ATAD2: variants seen among roughly 807,000 people sequenced by gnomAD.
ATAD2 encodes the protein ATPase family AAA domain containing 2, also known as ATPase family AAA domain-containing protein 2.
A neutral mutation model predicts 168.9 loss-of-function variants in ATAD2; 62 were observed. The ratio of observed to expected loss-of-function variants is 0.37; its 90% CI spans 0.30 to 0.45. The LOEUF (loss-of-function observed/expected upper bound fraction) is 0.45. Ranked by LOEUF, ATAD2 falls within the 20% of genes least tolerant of loss-of-function variation. The pLI is 1.00. For synonymous variants in ATAD2, 613 were observed against 571.6 expected (o/e 1.07, Z -1.03); for missense variants, 1,419 against 1,667.8 (o/e 0.85, Z 2.60).
intron 2 of ATAD2, among the ~76,000 whole-genome samples, chr8:123,376,901 T>C (rs1829331606): frequency 6.6e-6 from 1 of 151,740 alleles, no homozygotes; most frequent in African/African-American, 2.4e-5. Flanking sequence ...TACACCAGTC[T>C]GGCCAACATG....
intron 22 of ATAD2, among the ~76,000 whole-genome samples, chr8:123,334,624 G>GA (rs909974129): frequency 5.3e-5 from 8 of 151,914 alleles, no homozygotes; most frequent in African/African-American, 1.9e-4. Context: ...ACATGATAAC[G>GA]AAAAATAAAA....
chr8:123,383,362 T>C (rs1192818839), intron 1 of ATAD2, among the ~76,000 whole-genome samples: 2 of 151,258 alleles, frequency 1.3e-5, no homozygotes, highest in African/African-American at 2.4e-5. Flanking sequence ...GTAAACAAAA[T>C]TAAATAAAAA....
chr8:123,342,988 A>AT lies in ATAD2; in HGVS notation c.2718+1895dup, dbSNP rs775980242. Among the ~76,000 whole-genome samples the AT allele has an allele frequency of 1.7e-3, 238 of 138,678 alleles. 1 individual carries two copies. Among genetic ancestry groups the AT allele is most frequent in the East Asian group, 3.9e-3 (19 of 4,854 alleles). The allele number at this position is 138,678 out of a possible 152,430, so 91.0% of individuals were successfully genotyped here. A position where few individuals can be genotyped will look rare whatever the true frequency, so the allele number is the denominator to read the frequency against. On this transcript the variant is annotated intron_variant, in intron 19 of 27. Coordinates refer to ENST00000287394, the MANE Select transcript of ATAD2 (RefSeq NM_014109.4). ...TTCCTCAAATATCATCATCATCATCATTTTTTTTTTTTTTGAGATGGAGTT... is the reference window on the plus strand; with the variant it reads ...TTCCTCAAATATCATCATCATCATCATTTTTTTTTTTTTTTGAGATGGAGTT...
At chr8:123,329,257 T>C (rs1397848787) in intron 24 of ATAD2, among the ~76,000 whole-genome samples, 1 of 152,162 alleles carries the variant, frequency 6.6e-6, no homozygotes, top group African/African-American at 2.4e-5. Flanking sequence ...GCATTTATCA[T>C]GTACTAGAAA....
At chr8:123,401,045 T>C, upstream of ATAD2, 2 of 1,572,580 alleles carry the variant, frequency 1.3e-6, no homozygotes, top group Middle Eastern at 2.3e-4. Flanking sequence ...CCGGTGGGCA[T>C]CGTCACTTCC....
At chr8:123,365,026 C>G (rs1041093187) in intron 8 of ATAD2, among the ~76,000 whole-genome samples, 1 of 151,962 alleles carries the variant, frequency 6.6e-6, no homozygotes, top group Non-Finnish European at 1.5e-5. Context: ...CTAGAAAACC[C>G]CAAAGACTAC....
chr8:123,369,944 C>T lies in ATAD2; in HGVS notation c.808G>A (p.Asp270Asn), dbSNP rs117211505. Residue 270 changes from aspartate (D) to asparagine (N), a missense_variant, in exon 7 of 28, where the codon GAT becomes AAT. By Grantham distance (23) the Asp-to-Asn change is conservative. Transcript: ENST00000287394. ...EDDEDDDDDD[D>N]DDDDDDDEDD... ...TCATCATCATCATCATCATCATCATCGTCATCATCATCATCATCTTCATCA... is the reference window on the plus strand; with the variant it reads ...TCATCATCATCATCATCATCATCATTGTCATCATCATCATCATCTTCATCA... 11,466 of 1,577,584 alleles carry T rather than the reference C, an allele frequency of 7.3e-3. 61 individuals are homozygous for T. Among genetic ancestry groups the T allele is most frequent in the Non-Finnish European group, 8.3e-3 (9,562 of 1,150,980 alleles).
chr8:123,363,102 T>C (rs969695625), intron 8 of ATAD2, among the ~76,000 whole-genome samples: 4 of 152,208 alleles, frequency 2.6e-5, no homozygotes, highest in Admixed American at 2.6e-4. Flanking sequence ...GCTCAGGGTC[T>C]AGAACTTTTC....
rs111323631 is a variant in ATAD2 at position 123,339,194 on chromosome 8, A to T, written c.2854+117T>A. The T allele has an allele frequency of 3.4e-4, 315 of 923,000 alleles. 2 individuals carry two copies. In the African/African-American group the frequency reaches 4.7e-3, roughly 14 times the overall value. The allele number at this position is 923,000 out of a possible 1,614,324, so 57.2% of individuals were successfully genotyped here. A position where few individuals can be genotyped will look rare whatever the true frequency, so the allele number is the denominator to read the frequency against. On this transcript the variant is annotated intron_variant, in intron 20 of 27. Coordinates refer to ENST00000287394, the MANE Select transcript of ATAD2 (RefSeq NM_014109.4). ...ATAGAGATTTTTAAGCAGCAGATGCATCAACCTCATGACTTAGGTTTTGAG... is the reference window on the plus strand; with the variant it reads ...ATAGAGATTTTTAAGCAGCAGATGCTTCAACCTCATGACTTAGGTTTTGAG...
Position 123,401,528 on chromosome 8 carries a change from C to T in ATAD2, c.-2281-353G>A, listed in dbSNP as rs186380103. ...AGAACCTGATTGATGCTGGTGTGGA[C>T]GGGCTGTGTGTGGGCATAGGCTGCG... On this transcript the variant is annotated intron_variant, in intron 1 of 28. Transcript: ENST00000521903. The T allele has an allele frequency of 1.4e-4, 213 of 1,561,084 alleles. 3 individuals are homozygous for T. In the Admixed American group the frequency reaches 2.9e-3, roughly 21 times the overall value.
At chr8:123,337,053 C>CAAAAAAAAAAAAAA (rs58960333) in intron 21 of ATAD2, among the ~76,000 whole-genome samples, 1 of 62,008 alleles carries the variant, frequency 1.6e-5, no homozygotes, top group African/African-American at 4.6e-5. Flanking sequence ...ACCCTTACTA[C>CAAAAAAAAAAAAAA]AAAAAAAAAA....
intron 8 of ATAD2, among the ~76,000 whole-genome samples, chr8:123,364,445 T>C (rs1459378730): frequency 6.6e-6 from 1 of 152,226 alleles, no homozygotes; most frequent in East Asian, 1.9e-4. Context: ...ATCACCCTAA[T>C]ACCAAAACTA....
intron 12 of ATAD2, among the ~76,000 whole-genome samples, chr8:123,357,166 A>G (rs895039399): frequency 1.8e-4 from 28 of 152,218 alleles, no homozygotes. Context: ...ATGCCTCAGT[A>G]GATCAGAAAG....
intron 9 of ATAD2, among the ~76,000 whole-genome samples, chr8:123,359,956 G>A (rs960949453): frequency 1.3e-5 from 2 of 152,026 alleles, no homozygotes; most frequent in African/African-American, 2.4e-5. Flanking sequence ...AGTGATTCAC[G>A]GTGGTGAAAT....
intron 1 of ATAD2, among the ~76,000 whole-genome samples, chr8:123,393,430 A>T (rs1405312710): frequency 6.6e-6 from 1 of 151,652 alleles, no homozygotes; most frequent in Non-Finnish European, 1.5e-5. Flanking sequence ...GAATCACTTG[A>T]TCCTGGGAGG....
At chr8:123,401,457 C>G (rs1215506799) in intron 1 of ATAD2, 32 of 1,487,418 alleles carry the variant, frequency 2.2e-5, no homozygotes. Flanking sequence ...GAAGTACTCC[C>G]ACCTCCAGGT....
chr8:123,342,236 C>T (rs1828085929), intron 19 of ATAD2, among the ~76,000 whole-genome samples: 1 of 152,168 alleles, frequency 6.6e-6, no homozygotes, highest in Non-Finnish European at 1.5e-5. Context: ...AAGAAATAAA[C>T]TTCTACTTTA....
chr8:123,335,035 T>C (rs531221545), intron 22 of ATAD2, among the ~76,000 whole-genome samples: 3 of 152,184 alleles, frequency 2.0e-5, no homozygotes, highest in South Asian at 2.1e-4. Flanking sequence ...GGGAAACTCA[T>C]TAGAAATGCA....
intron 21 of ATAD2, among the ~76,000 whole-genome samples, chr8:123,337,302 G>A (rs1827945918): frequency 6.6e-6 from 1 of 151,834 alleles, no homozygotes; most frequent in African/African-American, 2.4e-5. Flanking sequence ...GGTGGAGGTT[G>A]CAATGAGCCG....
Sources: allele counts gnomAD v4.1 joint callset (sites outside exome capture counted in the v4.1 genomes callset), GRCh38; gene constraint gnomAD v4.1.1; transcripts MANE v1.5; gene names NCBI Gene and HGNC (gene_info 2026-07-23, HGNC 2026-07-21).